The following CSGALNACT1 variants were observed in gnomAD, a reference collection of about 807,000 sequenced individuals.
The protein encoded by CSGALNACT1 is beta4GalNAcT-1.
CSGALNACT1 carries 52 observed loss-of-function variants against 51.0 expected under a neutral mutation model. That is an observed-to-expected ratio of 1.02 (90% confidence interval 0.82 to 1.29). The LOEUF (loss-of-function observed/expected upper bound fraction) is 1.29. Among genes scored for constraint, CSGALNACT1 ranks in the 50% most tolerant of loss-of-function variants. CSGALNACT1 has a pLI of 0.00. For synonymous variants in CSGALNACT1, 341 were observed against 254.4 expected (o/e 1.34, Z -3.24); for missense variants, 935 against 679.2 (o/e 1.38, Z -4.19).
intron 1 of CSGALNACT1, among the ~76,000 whole-genome samples, chr8:19,727,282 A>T (rs2063452114): frequency 6.6e-6 from 1 of 152,170 alleles, no homozygotes. Context: ...TCTTTAGTTG[A>T]CAGGCTGCAC....
At chr8:19,489,065 G>C (rs997974542) in intron 4 of CSGALNACT1, among the ~76,000 whole-genome samples, 1 of 152,180 alleles carries the variant, frequency 6.6e-6, no homozygotes, top group African/African-American at 2.4e-5. Context: ...ATGGAGATGA[G>C]AGATGGGGAG....
upstream of CSGALNACT1, chr8:19,682,869 A>C (rs2060731837): frequency 2.6e-6 from 1 of 381,940 alleles, no homozygotes; most frequent in Non-Finnish European, 5.3e-6. Context: ...CAGCCCTCAC[A>C]GGTCCAACTG....
At chr8:19,521,982 C>A (rs2080820666) in intron 3 of CSGALNACT1, among the ~76,000 whole-genome samples, 1 of 152,196 alleles carries the variant, frequency 6.6e-6, no homozygotes, top group Non-Finnish European at 1.5e-5. Context: ...ATTTCCCTTT[C>A]TCCTAGCAGT....
intron 8 of CSGALNACT1, among the ~76,000 whole-genome samples, chr8:19,416,912 G>C (rs149195121): frequency 1.3e-5 from 2 of 151,976 alleles, no homozygotes; most frequent in African/African-American, 4.8e-5. Flanking sequence ...ACCCAGGATG[G>C]AGTGCAGTGG....
At chr8:19,445,762 G>T (rs968598389) in intron 5 of CSGALNACT1, among the ~76,000 whole-genome samples, 2 of 152,212 alleles carry the variant, frequency 1.3e-5, no homozygotes, top group Non-Finnish European at 2.9e-5. Flanking sequence ...CCGGCTGAAT[G>T]ATCTTTGTTT....
chr8:19,713,086 C>T (rs912933810), intron 1 of CSGALNACT1, among the ~76,000 whole-genome samples: 1 of 152,192 alleles, frequency 6.6e-6, no homozygotes, highest in African/African-American at 2.4e-5. Context: ...TGATTACTCT[C>T]CATCCCCATT....
intron 4 of CSGALNACT1, among the ~76,000 whole-genome samples, chr8:19,493,167 C>A (rs1416113708): frequency 1.3e-5 from 2 of 152,068 alleles, no homozygotes; most frequent in Non-Finnish European, 2.9e-5. Context: ...TAAAGAATTA[C>A]TCTCTCCTGA....
chr8:19,526,915 G>A (rs1021268120), intron 3 of CSGALNACT1, among the ~76,000 whole-genome samples: 1 of 152,080 alleles, frequency 6.6e-6, no homozygotes, highest in Non-Finnish European at 1.5e-5. Context: ...ACAACCTTCG[G>A]TTTAACAAAC....
intron 4 of CSGALNACT1, among the ~76,000 whole-genome samples, chr8:19,475,939 CACA>C (rs1489216725): frequency 1.3e-5 from 2 of 152,090 alleles, no homozygotes; most frequent in African/African-American, 2.4e-5. Context: ...CCTCCATTTC[CACA>C]ACAACACAGA....
intron 1 of CSGALNACT1, among the ~76,000 whole-genome samples, chr8:19,628,590 T>A (rs1449384582): frequency 1.3e-5 from 2 of 152,058 alleles, no homozygotes; most frequent in Non-Finnish European, 2.9e-5. Context: ...TGTTGCTAAG[T>A]AATAGAGGTA....
intron 5 of CSGALNACT1, among the ~76,000 whole-genome samples, chr8:19,446,332 T>C (rs1008584146): frequency 2.0e-5 from 3 of 152,124 alleles, no homozygotes; most frequent in African/African-American, 7.2e-5. Flanking sequence ...AGCACTTCTC[T>C]ATAAACACCT....
At chr8:19,475,297 A>G (rs1451125067) in intron 4 of CSGALNACT1, among the ~76,000 whole-genome samples, 1 of 152,216 alleles carries the variant, frequency 6.6e-6, no homozygotes, top group Non-Finnish European at 1.5e-5. Flanking sequence ...TGAAGGGCCA[A>G]GAAGGCAGCC....
At chr8:19,756,622 G>T (rs2065396657) in intron 1 of CSGALNACT1, among the ~76,000 whole-genome samples, 1 of 135,384 alleles carries the variant, frequency 7.4e-6, no homozygotes, top group Non-Finnish European at 1.5e-5. Flanking sequence ...TCTGCCCACC[G>T]ATCGCACGTC....
chr8:19,561,426 G>C (rs1275293470), intron 3 of CSGALNACT1, among the ~76,000 whole-genome samples: 1 of 152,198 alleles, frequency 6.6e-6, no homozygotes, highest in Admixed American at 6.5e-5. Context: ...ATAAGAAACA[G>C]ATGAAAAATA....
chr8:19,679,573 A>G (rs4922084), intron 1 of CSGALNACT1, among the ~76,000 whole-genome samples: 36,367 of 152,148 alleles, frequency 0.24, 4,457 homozygotes, highest in Admixed American at 0.3. Context: ...TGCTGATCAA[A>G]TACCCCTGTA....
chr8:19,649,673 C>G (rs1041755042), intron 1 of CSGALNACT1, among the ~76,000 whole-genome samples: 1 of 151,226 alleles, frequency 6.6e-6, no homozygotes, highest in Non-Finnish European at 1.5e-5. Context: ...ATCCATACAC[C>G]CCAAAACCCA....
At chr8:19,695,780 G>C (rs1377957757) in intron 1 of CSGALNACT1, among the ~76,000 whole-genome samples, 1 of 152,126 alleles carries the variant, frequency 6.6e-6, no homozygotes, top group Non-Finnish European at 1.5e-5. Flanking sequence ...AGTTTGTGGA[G>C]TCAAAAAGGA....
chr8:19,587,901 C>T (rs1236298412), intron 3 of CSGALNACT1: 1 of 152,074 alleles, frequency 6.6e-6, no homozygotes, highest in African/African-American at 2.4e-5. Context: ...TACAAATATA[C>T]AATAACAGTC....
chr8:19,729,316 C>T (rs187478635), intron 1 of CSGALNACT1, among the ~76,000 whole-genome samples: 46 of 152,232 alleles, frequency 3.0e-4, no homozygotes, highest in African/African-American at 1.1e-3. Context: ...TAAGTGATTG[C>T]GTGTATATTT....
Sources: gnomAD v4.1 joint callset for allele counts (sites outside exome capture counted in the v4.1 genomes callset) on GRCh38, gnomAD v4.1.1 for gene constraint, MANE v1.5 for transcripts, NCBI Gene and HGNC (gene_info 2026-07-23, HGNC 2026-07-21) for gene names.